TENM3: variants seen among roughly 807,000 people sequenced by gnomAD.
The protein encoded by TENM3 is teneurin-3.
A neutral mutation model predicts 255.1 loss-of-function variants in TENM3; 63 were observed. That is an observed-to-expected ratio of 0.25 (90% confidence interval 0.20 to 0.30). The LOEUF is 0.30. Ranked by LOEUF, TENM3 falls within the 10% of genes least tolerant of loss-of-function variation. TENM3 has a pLI of 1.00. For synonymous variants in TENM3, 1,306 were observed against 1,322.3 expected, an observed-to-expected ratio of 0.99 and a Z score of 0.27; for missense variants, 2,929 against 3,461.1, an observed-to-expected ratio of 0.85 and a Z score of 3.86.
the TENM3 span, among the ~76,000 whole-genome samples, chr4:181,729,354 T>C: frequency 1.3e-5 from 2 of 152,142 alleles, no homozygotes; most frequent in African/African-American, 2.4e-5. Context: ...CCAGGATGAC[T>C]GTGGAAGCAA....
In TENM3 at chr4:182,346,902, C is replaced by A; in HGVS notation, c.484C>A (p.His162Asn). Reference protein sequence around the residue: ...NSALTLTDTEHENKSDSENEQ... With the variant: ...NSALTLTDTENENKSDSENEQ... ...AGCCCTCACCCTGACAGATACGGAG[C>A]ACGAAAACAAGTCCGACAGTGAGAA... is the stretch of plus-strand genomic sequence containing the variant. The change falls in exon 3 of 28, where the codon CAC (histidine) becomes AAC (asparagine). Residue 162 changes from histidine to asparagine, a missense_variant. His to Asn is a moderately conservative substitution (Grantham distance 68). This residue lies in a region of TENM3 where 283 missense variants were observed against 256.9 expected (regional missense o/e 1.10). Transcript: ENST00000511685. 1.1e-5 allele frequency: 17 copies of A among 1,610,522 alleles called. No homozygotes were observed. The highest frequency in any genetic ancestry group is 1.4e-5 in the Non-Finnish European group (17 of 1,177,932).
intron 4 of TENM3, 121 bp from the exon 5 acceptor site, chr4:182,628,530 T>G: frequency 1.5e-6 from 1 of 653,322 alleles, no homozygotes; most frequent in Admixed American, 2.9e-5. Context: ...TTATATAGGA[T>G]AAATTCTTTT....
At chr4:182,569,866 G>A (rs528923029) in intron 3 of TENM3, among the ~76,000 whole-genome samples, 22 of 140,014 alleles carry the variant, frequency 1.6e-4, no homozygotes, top group African/African-American at 6.3e-4. Context: ...TGTCTTTCTG[G>A]AAGCCTCGGA....
rs753365136 is a variant in TENM3, at chr4:182,799,842, G to A, written c.7591G>A (p.Ala2531Thr). The stretch of plus-strand genomic sequence containing the variant: ...CAAGGTGGCGGCCGTGCTCAACAAC[G>A]CCTTCTACCTGGAGAACCTGCACTT... ...CIKVAAVLNN[A>T]FYLENLHFTI... The change falls in exon 28 of 28, where the codon GCC (alanine) becomes ACC (threonine). Residue 2531 changes from alanine (A) to threonine (T), a missense_variant. Physicochemically the swap from Ala to Thr is moderately conservative, Grantham distance 58 (BLOSUM62 0). Coordinates refer to ENST00000511685, the MANE Select transcript of TENM3 (RefSeq NM_001080477.4). This position sits in a 1 kb window ranked among gnomAD's most constrained non-coding sequence, Gnocchi z 4.2. 1.9e-6 allele frequency: 3 copies of A among 1,611,188 alleles called. No homozygotes were observed. Among genetic ancestry groups the A allele is most frequent in the African/African-American group, 1.3e-5 (1 of 74,902 alleles).
chr4:181,750,074 C>T, the TENM3 span, among the ~76,000 whole-genome samples: 1 of 152,122 alleles, frequency 6.6e-6, no homozygotes, highest in East Asian at 1.9e-4. Flanking sequence ...CTGCTTTGGT[C>T]CATGCGGAAA....
At chr4:182,389,727 C>T (rs1467649255) in intron 3 of TENM3, among the ~76,000 whole-genome samples, 2 of 145,472 alleles carry the variant, frequency 1.4e-5, no homozygotes, top group East Asian at 4.1e-4. Flanking sequence ...GCTCTGTCGC[C>T]CAGGCTGGAG....
chr4:182,241,518 C>CTTTCT (rs1201901411), upstream of TENM3, among the ~76,000 whole-genome samples: 267 of 114,272 alleles, frequency 2.3e-3, 4 homozygotes, highest in African/African-American at 9.6e-3. Context: ...TTTTTTCTTT[C>CTTTCT]TTTTTTTTTT....
the TENM3 span, among the ~76,000 whole-genome samples, chr4:181,458,778 T>C: frequency 6.6e-6 from 1 of 151,974 alleles, no homozygotes; most frequent in African/African-American, 2.4e-5. Flanking sequence ...TCCATATATG[T>C]GTTGTATTTA....
At chr4:181,858,302 G>C in the TENM3 span, among the ~76,000 whole-genome samples, 1 of 152,164 alleles carries the variant, frequency 6.6e-6, no homozygotes, top group South Asian at 2.1e-4. Flanking sequence ...AGATTTATTT[G>C]CTTCATTCCT....
intron 13 of TENM3, among the ~76,000 whole-genome samples, chr4:182,727,005 G>C (rs913891042): frequency 6.6e-6 from 1 of 152,094 alleles, no homozygotes; most frequent in African/African-American, 2.4e-5. Context: ...GATATTTTCA[G>C]CTGAGCTTGC....
chr4:182,011,045 A>G, the TENM3 span, among the ~76,000 whole-genome samples: 64,606 of 152,072 alleles, frequency 0.42, 15,099 homozygotes, highest in Non-Finnish European at 0.53. Flanking sequence ...TTAAATGTCT[A>G]CAGTCTCCCA....
the TENM3 span, among the ~76,000 whole-genome samples, chr4:182,029,008 G>T: frequency 2.6e-5 from 4 of 152,206 alleles, no homozygotes; most frequent in African/African-American, 9.6e-5. Context: ...TTTTCACGTT[G>T]CTGAATAAAT....
chr4:181,908,389 G>C, the TENM3 span, among the ~76,000 whole-genome samples: 1 of 152,082 alleles, frequency 6.6e-6, no homozygotes, highest in Non-Finnish European at 1.5e-5. Flanking sequence ...GAACAGAGCT[G>C]TCCACCCACA....
chr4:181,797,396 C>T, the TENM3 span, among the ~76,000 whole-genome samples: 2 of 152,116 alleles, frequency 1.3e-5, no homozygotes, highest in Non-Finnish European at 2.9e-5. Context: ...TCTCCTTGCT[C>T]TCTGATCCAA....
In TENM3 at chr4:182,681,946, G is replaced by T. The variant is rs768983687; in HGVS notation, c.1967G>T (p.Gly656Val). Reference protein sequence around the residue: ...TMCPDQCSGHGTYLQESGSCT... With the variant: ...TMCPDQCSGHVTYLQESGSCT... ...TGTCCAGACCAGTGCTCCGGCCACG[G>T]AACGTATCTTCAAGAAAGTGGCTCC... is the stretch of plus-strand genomic sequence containing the variant. Residue 656 changes from glycine to valine, a missense_variant, in exon 11 of 28, where the codon GGA becomes GTA. Around this residue, in one of 6 missense-constraint regions of TENM3, gnomAD observed 1,608 missense variants for 1,884.4 expected, o/e 0.85. Coordinates refer to ENST00000511685, the MANE Select transcript of TENM3 (RefSeq NM_001080477.4). 6.2e-7 allele frequency: 1 copy of T among 1,613,980 alleles called. No individual in the cohort carries two copies. Among genetic ancestry groups the T allele is most frequent in the Non-Finnish European group, 8.5e-7 (1 of 1,179,888 alleles).
At chr4:182,290,703 C>T (rs1761063839) in intron 1 of TENM3, among the ~76,000 whole-genome samples, 1 of 151,838 alleles carries the variant, frequency 6.6e-6, no homozygotes, top group South Asian at 2.1e-4. Context: ...CAGGGTTTCA[C>T]CATGTTAACC....
the TENM3 span, among the ~76,000 whole-genome samples, chr4:181,814,068 C>A: frequency 3.6e-3 from 544 of 152,190 alleles, 6 homozygotes; most frequent in African/African-American, 0.012. Flanking sequence ...ACACTATCTA[C>A]GCATAAAAGA....
chr4:182,391,545 C>T (rs1768424690), intron 3 of TENM3, among the ~76,000 whole-genome samples: 1 of 152,224 alleles, frequency 6.6e-6, no homozygotes, highest in African/African-American at 2.4e-5. Context: ...CATGTTGCCT[C>T]ACTGCCTGGA....
intron 3 of TENM3, among the ~76,000 whole-genome samples, chr4:182,354,178 G>A (rs150214652): frequency 1.3e-4 from 20 of 152,184 alleles, no homozygotes; most frequent in African/African-American, 4.6e-4. Context: ...TATTAAGCTC[G>A]ATTTGTGTTC....
Sources: gnomAD v4.1 joint callset for allele counts (sites outside exome capture counted in the v4.1 genomes callset) on GRCh38, gnomAD v4.1.1 for gene constraint, gnomAD v4.1.1 regional missense constraint, Gnocchi (gnomAD v3.1) non-coding constraint, MANE v1.5 for transcripts, NCBI Gene and HGNC (gene_info 2026-07-23, HGNC 2026-07-21) for gene names.